The following IL2RB variants were observed in gnomAD, a reference collection of about 807,000 sequenced individuals.
IL2RB encodes interleukin-2 receptor subunit beta.
IL2RB carries 17 observed loss-of-function variants against 44.2 expected under a neutral mutation model. The ratio of observed to expected loss-of-function variants is 0.38; its 90% CI spans 0.26 to 0.58. The LOEUF (loss-of-function observed/expected upper bound fraction) is 0.58, where lower values mean the gene tolerates loss of function less well. Ranked by LOEUF, IL2RB falls within the 20% of genes least tolerant of loss-of-function variation. The pLI is 0.63. For missense variants in IL2RB, 624 were observed against 685.5 expected, an observed-to-expected ratio of 0.91 and a Z score of 1.00; for synonymous variants, 286 against 297.9, an observed-to-expected ratio of 0.96 and a Z score of 0.41.
chr22:37,147,006 A>G (rs984475829), intron 1 of IL2RB, among the ~76,000 whole-genome samples: 1 of 152,198 alleles, frequency 6.6e-6, no homozygotes, highest in African/African-American at 2.4e-5. Flanking sequence ...GAGCAAGCAC[A>G]GTCCCTTGTT....
intron 1 of IL2RB, among the ~76,000 whole-genome samples, chr22:37,174,389 G>C (rs1261779967): frequency 6.6e-6 from 1 of 152,156 alleles, no homozygotes. Flanking sequence ...AATTGGGCCA[G>C]CTGAAACCAG....
In IL2RB at chr22:37,128,523, G is replaced by C. The variant is rs769877535; in HGVS notation, c.1229C>G (p.Pro410Arg). Residue 410 changes from proline to arginine, a missense_variant, in exon 10 of 10, where the codon CCT (proline) becomes CGT (arginine). By Grantham distance (103) the Pro-to-Arg change is moderately radical (BLOSUM62 -2). Around this residue, in one of 3 missense-constraint regions of IL2RB, gnomAD observed 291 missense variants for 275.5 expected, o/e 1.06. Coordinates refer to ENST00000216223, the MANE Select transcript of IL2RB (RefSeq NM_000878.5). This position sits in a 1 kb window ranked among gnomAD's most constrained non-coding sequence, Gnocchi z 4.5. ...GTAGGCGTCGTCCTCCCCTGACAGA[G>C]GCTGCAGGGGTTGGGGGGAAGACCC... The part of the protein sequence containing the change: ...PTGSSPQPLQ[P>R]LSGEDDAYCT... 3.5e-5 allele frequency: 57 copies of C among 1,612,260 alleles called. No individual in the cohort carries two copies. In the East Asian group the frequency reaches 7.6e-4, roughly 21 times the overall value.
intron 3 of IL2RB, among the ~76,000 whole-genome samples, chr22:37,143,188 C>T (rs1922050869): frequency 2.0e-5 from 3 of 152,272 alleles, no homozygotes; most frequent in Middle Eastern, 3.4e-3. Flanking sequence ...TTTCTCCCCA[C>T]TTCCTCTCTG....
chr22:37,136,468 C>CCG, intron 6 of IL2RB, 75 bp from the exon 7 acceptor site: 3 of 1,431,244 alleles, frequency 2.1e-6, no homozygotes, highest in Non-Finnish European at 1.9e-6. Context: ...ATCACAGAAC[C>CCG]CCCCCCCAAC....
At chr22:37,163,108 G>C (rs985785393) in intron 1 of IL2RB, among the ~76,000 whole-genome samples, 7 of 152,140 alleles carry the variant, frequency 4.6e-5, no homozygotes, top group Non-Finnish European at 8.8e-5. Flanking sequence ...GCTACAGACC[G>C]CAGGAACAGG....
chr22:37,145,360 A>AG (rs1481024564), intron 1 of IL2RB, among the ~76,000 whole-genome samples: 1 of 152,022 alleles, frequency 6.6e-6, no homozygotes, highest in Non-Finnish European at 1.5e-5. Flanking sequence ...GCCCTGTCAG[A>AG]GGGAGGCTCA....
At position 37,141,009 on chromosome 22, in the gene IL2RB, G is replaced by A. The variant is rs1010308973; in HGVS notation, c.282+1425C>T. Among the ~76,000 whole-genome samples the A allele has an allele frequency of 1.3e-5, 2 of 152,140 alleles. No homozygotes were observed. The highest frequency in any genetic ancestry group is 4.8e-5 in the African/African-American group (2 of 41,426). On this transcript the variant is annotated intron_variant, in intron 4 of 9. Coordinates refer to ENST00000216223, the MANE Select transcript of IL2RB (RefSeq NM_000878.5). This position sits in a 1 kb window ranked among gnomAD's most constrained non-coding sequence, Gnocchi z 4.4. Reference sequence around the variant, plus strand: ...CCGGAGTGGCCGCTGCTAAAACTCTGGCTGCAGCCGGGAGGCGTAGCTGGG... The same window carrying A: ...CCGGAGTGGCCGCTGCTAAAACTCTAGCTGCAGCCGGGAGGCGTAGCTGGG...
chr22:37,143,337 T>C (rs938292180), intron 3 of IL2RB, among the ~76,000 whole-genome samples, 184 bp downstream of exon 3: 1 of 152,134 alleles, frequency 6.6e-6, no homozygotes, highest in African/African-American at 2.4e-5. Context: ...AATAGCTGAC[T>C]CCCAAATTCT....
chr22:37,141,680 TA>T lies in IL2RB; in HGVS notation c.282+753del, dbSNP rs1046146596. Reference sequence around the variant, plus strand: ...TCAGAGCGGGACCAAGCCCAGGCACTACCACAGCCTGGCACGCTCGAGGCAG... The same window carrying T: ...TCAGAGCGGGACCAAGCCCAGGCACTCCACAGCCTGGCACGCTCGAGGCAG... On this transcript the variant is annotated intron_variant, in intron 4 of 9. Coordinates refer to ENST00000216223, the MANE Select transcript of IL2RB (RefSeq NM_000878.5). The surrounding 1 kb of genome is among the most constrained non-coding windows in gnomAD (Gnocchi z 4.4). Among the ~76,000 whole-genome samples the T allele has an allele frequency of 2.3e-4, 35 of 152,280 alleles. No homozygotes were observed. The highest frequency in any genetic ancestry group is 8.4e-4 in the African/African-American group (35 of 41,568).
chr22:37,138,875 G>A (rs1333445760), intron 5 of IL2RB, among the ~76,000 whole-genome samples: 1 of 152,208 alleles, frequency 6.6e-6, no homozygotes, highest in Non-Finnish European at 1.5e-5. Context: ...TTTGGCTGTA[G>A]CAGAAATATA....
At chr22:37,147,904 T>C (rs1241678206) in intron 1 of IL2RB, among the ~76,000 whole-genome samples, 1 of 152,196 alleles carries the variant, frequency 6.6e-6, no homozygotes, top group Non-Finnish European at 1.5e-5. Flanking sequence ...GGGACTCCCA[T>C]AGCCCCTATG....
chr22:37,136,430 C>G, intron 6 of IL2RB, 37 bp from the exon 7 acceptor site: 1 of 1,579,150 alleles, frequency 6.3e-7, no homozygotes, highest in South Asian at 1.1e-5. Flanking sequence ...CCCACCTCAC[C>G]TCCCATGGCA....
At chr22:37,142,351 G>A (rs888414380) in intron 4 of IL2RB, 83 bp downstream of exon 4, 2 of 1,286,928 alleles carry the variant, frequency 1.6e-6, no homozygotes, top group East Asian at 4.6e-5. Context: ...CTCTTCCCCT[G>A]GCATCCGGCC....
rs1921743584 is a variant in IL2RB, at chr22:37,137,053, G to A, written c.537+534C>T. Among the ~76,000 whole-genome samples the A allele has an allele frequency of 2.0e-5, 3 of 152,154 alleles. 1 individual carries two copies. The South Asian group carries it at 6.2e-4, about 32-fold the overall frequency. On this transcript the variant is annotated intron_variant, in intron 6 of 9. Transcript: ENST00000216223. Reference sequence around the variant, plus strand: ...CGGGTGCCTCACTATCCCAGACCCTGTCGCTACATCTGCTGACTGACTGCC... The same window carrying A: ...CGGGTGCCTCACTATCCCAGACCCTATCGCTACATCTGCTGACTGACTGCC...
intron 1 of IL2RB, among the ~76,000 whole-genome samples, chr22:37,158,377 G>A (rs576549116): frequency 5.9e-5 from 9 of 152,088 alleles, no homozygotes; most frequent in East Asian, 1.9e-4. Context: ...GCAAAACCAC[G>A]TCTCTACCAA....
chr22:37,173,855 A>C (rs1301653330), intron 1 of IL2RB, among the ~76,000 whole-genome samples: 1 of 152,174 alleles, frequency 6.6e-6, no homozygotes, highest in African/African-American at 2.4e-5. Flanking sequence ...ATTGCTAAAC[A>C]CTATAACCAG....
At chr22:37,149,197 CCAA>C (rs2146252627) in intron 1 of IL2RB, among the ~76,000 whole-genome samples, 1 of 152,282 alleles carries the variant, frequency 6.6e-6, no homozygotes, top group African/African-American at 2.4e-5. Context: ...GGTCCCATCC[CCAA>C]TGTCCGGAGA....
At chr22:37,164,172 C>T (rs574661540) in intron 1 of IL2RB, among the ~76,000 whole-genome samples, 12 of 152,294 alleles carry the variant, frequency 7.9e-5, no homozygotes, top group East Asian at 5.8e-4. Context: ...TCTCCCTCTG[C>T]GCTCCCTGCC....
chr22:37,149,184 T>A (rs1008789939), intron 1 of IL2RB, among the ~76,000 whole-genome samples: 4 of 152,078 alleles, frequency 2.6e-5, no homozygotes, highest in African/African-American at 9.7e-5. Context: ...GCCCCAAAGA[T>A]AGGGTCCCAT....
Sources: gnomAD v4.1 joint callset for allele counts (sites outside exome capture counted in the v4.1 genomes callset) on GRCh38, gnomAD v4.1.1 for gene constraint, gnomAD v4.1.1 regional missense constraint, Gnocchi (gnomAD v3.1) non-coding constraint, MANE v1.5 for transcripts, NCBI Gene and HGNC (gene_info 2026-07-23, HGNC 2026-07-21) for gene names.